The following LRFN2 variants were observed in gnomAD, a reference collection of about 807,000 sequenced individuals.
The protein encoded by LRFN2 is leucine rich repeat and fibronectin type III domain containing 2.
Under a neutral mutation model 37.3 loss-of-function variants are expected in LRFN2, and 18 were observed. The ratio of observed to expected loss-of-function variants is 0.48; its 90% CI spans 0.33 to 0.72. The LOEUF is 0.72. LRFN2 is among the 30% of genes least tolerant of loss of function. LRFN2 has a pLI of 0.02. For synonymous variants in LRFN2, 556 were observed against 466.6 expected (o/e 1.19, Z -2.47); for missense variants, 1,006 against 1,060.7 (o/e 0.95, Z 0.72).
intron 1 of LRFN2, among the ~76,000 whole-genome samples, chr6:40,457,637 TAAAA>T (rs70984171): frequency 5.9e-5 from 6 of 101,398 alleles, no homozygotes; most frequent in Admixed American, 1.1e-4. Context: ...AGACCCTGTT[TAAAA>T]AAAAAAAAAA....
At chr6:40,466,035 A>G (rs975864685) in intron 1 of LRFN2, among the ~76,000 whole-genome samples, 1 of 152,156 alleles carries the variant, frequency 6.6e-6, no homozygotes, top group African/African-American at 2.4e-5. Context: ...CAAGAAAGAG[A>G]AAGTGGTACA....
At chr6:40,539,432 A>G (rs367571990) in intron 1 of LRFN2, among the ~76,000 whole-genome samples, 2 of 152,240 alleles carry the variant, frequency 1.3e-5, no homozygotes, top group Non-Finnish European at 2.9e-5. Flanking sequence ...GTTCTAAGTG[A>G]TGGGGAAAAC....
intron 1 of LRFN2, among the ~76,000 whole-genome samples, chr6:40,582,839 C>T (rs74864776): frequency 0.058 from 8,854 of 152,120 alleles, 294 homozygotes; most frequent in Admixed American, 0.066. Flanking sequence ...ATTTTTGACC[C>T]TCTGTTCAAA....
At chr6:40,473,583 T>G (rs1764648574) in intron 1 of LRFN2, among the ~76,000 whole-genome samples, 1 of 152,186 alleles carries the variant, frequency 6.6e-6, no homozygotes, top group South Asian at 2.1e-4. Flanking sequence ...TGTTTTGTTT[T>G]TTATTTAAGT....
intron 1 of LRFN2, among the ~76,000 whole-genome samples, chr6:40,489,945 G>A (rs886369315): frequency 1.1e-4 from 16 of 152,120 alleles, no homozygotes; most frequent in African/African-American, 3.9e-4. Flanking sequence ...TGCTCCCCAA[G>A]TTCACTTCCC....
At chr6:40,464,029 ACTCTG>A in intron 1 of LRFN2, among the ~76,000 whole-genome samples, 1 of 152,132 alleles carries the variant, frequency 6.6e-6, no homozygotes, top group Middle Eastern at 3.4e-3. Flanking sequence ...CTCGGACTTT[ACTCTG>A]CAGGAAGTCC....
intron 1 of LRFN2, among the ~76,000 whole-genome samples, chr6:40,568,070 TTCTC>T (rs369374949): frequency 5.3e-5 from 8 of 150,996 alleles, no homozygotes; most frequent in Non-Finnish European, 1.0e-4. Context: ...CTTCCTTCTC[TTCTC>T]TCTCTCTCTC....
At chr6:40,444,284 G>C (rs1392794641) in intron 1 of LRFN2, among the ~76,000 whole-genome samples, 1 of 152,158 alleles carries the variant, frequency 6.6e-6, no homozygotes, top group African/African-American at 2.4e-5. Flanking sequence ...GGGGGAAAAG[G>C]AGAAAGAAGA....
At chr6:40,544,894 A>C (rs977050259) in intron 1 of LRFN2, among the ~76,000 whole-genome samples, 2 of 152,168 alleles carry the variant, frequency 1.3e-5, no homozygotes, top group Non-Finnish European at 2.9e-5. Context: ...AGAAGGAGAG[A>C]GCAAATGCGC....
chr6:40,547,551 C>T (rs1338140895), intron 1 of LRFN2, among the ~76,000 whole-genome samples: 1 of 152,162 alleles, frequency 6.6e-6, no homozygotes, highest in Non-Finnish European at 1.5e-5. Context: ...GTCCACAGTA[C>T]ACCCTTCTTC....
chr6:40,399,990 A>G (rs936060859), intron 2 of LRFN2, among the ~76,000 whole-genome samples: 2 of 151,728 alleles, frequency 1.3e-5, no homozygotes, highest in Admixed American at 1.3e-4. Flanking sequence ...AGCCAACTTG[A>G]TCCCATTGCA....
At chr6:40,406,474 C>A (rs1762850868) in intron 2 of LRFN2, among the ~76,000 whole-genome samples, 1 of 152,238 alleles carries the variant, frequency 6.6e-6, no homozygotes, top group South Asian at 2.1e-4. Flanking sequence ...TCTGCTTGCT[C>A]TTCCCAGTTC....
chr6:40,504,975 C>G (rs2113879104), intron 1 of LRFN2, among the ~76,000 whole-genome samples: 1 of 152,314 alleles, frequency 6.6e-6, no homozygotes, highest in South Asian at 2.1e-4. Flanking sequence ...TCTGTCAAAG[C>G]AATTTCACAC....
intron 1 of LRFN2, among the ~76,000 whole-genome samples, chr6:40,472,081 G>T (rs1053129107): frequency 3.3e-5 from 5 of 152,186 alleles, no homozygotes; most frequent in African/African-American, 1.2e-4. Flanking sequence ...GTGTGTGTGT[G>T]CACATGCACG....
chr6:40,555,252 G>A (rs886686819), intron 1 of LRFN2, among the ~76,000 whole-genome samples: 2 of 152,208 alleles, frequency 1.3e-5, no homozygotes, highest in African/African-American at 4.8e-5. Flanking sequence ...AGCCATGCCA[G>A]TGAGGTCATC....
At chr6:40,515,341 C>G (rs1765833107) in intron 1 of LRFN2, among the ~76,000 whole-genome samples, 1 of 152,194 alleles carries the variant, frequency 6.6e-6, no homozygotes, top group African/African-American at 2.4e-5. Flanking sequence ...CTGAAAACAG[C>G]AGACCCAGGA....
intron 2 of LRFN2, among the ~76,000 whole-genome samples, chr6:40,419,425 GGATGA>G (rs1023336813): frequency 6.6e-6 from 1 of 152,158 alleles, no homozygotes; most frequent in Non-Finnish European, 1.5e-5. Flanking sequence ...TGGGGCTCCA[GGATGA>G]GATACACAGA....
At chr6:40,508,768 CTAATAG>C (rs1765612059) in intron 1 of LRFN2, among the ~76,000 whole-genome samples, 1 of 152,142 alleles carries the variant, frequency 6.6e-6, no homozygotes, top group South Asian at 2.1e-4. Context: ...GCCGGTGGAA[CTAATAG>C]TAATAGTAAC....
At chr6:40,438,162 G>A (rs966762951) in intron 1 of LRFN2, among the ~76,000 whole-genome samples, 1 of 152,222 alleles carries the variant, frequency 6.6e-6, no homozygotes, top group Non-Finnish European at 1.5e-5. Context: ...GGGTGGCAAA[G>A]AGAGGTAGAT....
Sources: allele counts gnomAD v4.1 joint callset (sites outside exome capture counted in the v4.1 genomes callset), GRCh38; gene constraint gnomAD v4.1.1; transcripts MANE v1.5; gene names NCBI Gene and HGNC (gene_info 2026-07-23, HGNC 2026-07-21).